CENPC: variants seen among roughly 807,000 people sequenced by gnomAD.
CENPC encodes the protein centromere protein C.
Under a neutral mutation model 112.1 loss-of-function variants are expected in CENPC, and 63 were observed. The ratio of observed to expected loss-of-function variants is 0.56; its 90% CI spans 0.46 to 0.69. CENPC has a LOEUF of 0.69. CENPC is among the 30% of genes least tolerant of loss of function. The pLI is 0.00. For synonymous variants in CENPC, 333 were observed against 367.6 expected, an observed-to-expected ratio of 0.91 and a Z score of 1.08; for missense variants, 1,000 against 1,103.8, an observed-to-expected ratio of 0.91 and a Z score of 1.33.
At position 67,494,704 on chromosome 4, in the gene CENPC, T is replaced by C. The variant is rs1577980033; in HGVS notation, c.2185+455A>G. Among the ~76,000 whole-genome samples, 3 of 152,346 alleles carry C rather than the reference T, an allele frequency of 2.0e-5. No homozygotes were observed. In the East Asian group the frequency reaches 5.8e-4, roughly 29 times the overall value. On this transcript the variant is annotated intron_variant, in intron 13 of 18. Transcript: ENST00000273853. ...GTATCTTGACTGGCAAATATCTCTT[T>C]GGGAACCATGGATTGTTAATCTTTA...
chr4:67,521,011 CAAA>C (rs1490136419), intron 5 of CENPC, among the ~76,000 whole-genome samples: 6 of 131,600 alleles, frequency 4.6e-5, no homozygotes, highest in Admixed American at 7.5e-5. Context: ...GACTCTGTCT[CAAA>C]AAATAAACAA....
intron 4 of CENPC, among the ~76,000 whole-genome samples, chr4:67,538,879 T>C (rs1726804424): frequency 6.6e-6 from 1 of 152,204 alleles, no homozygotes; most frequent in Admixed American, 6.5e-5. Context: ...ATTTTGCTAG[T>C]CTTTATTGTT....
rs1271231656 is a variant in CENPC at position 67,520,371 on chromosome 4, C to T, written c.332-869G>A. 1.1e-4 allele frequency among the ~76,000 whole-genome samples: 17 copies of T among 152,248 alleles called. No individual in the cohort carries two copies. The East Asian group carries it at 1.2e-3, about 10-fold the overall frequency. Reference sequence around the variant, plus strand: ...GTAGTGAAACCCCTGACCTTCACAGCCCAAGGCAACATTTTGATCCACTGA... The same window carrying T: ...GTAGTGAAACCCCTGACCTTCACAGTCCAAGGCAACATTTTGATCCACTGA... On this transcript the variant is annotated intron_variant, in intron 5 of 18. Transcript: ENST00000273853.
At chr4:67,491,506 GAGAGA>G (rs1725273774) in intron 16 of CENPC, among the ~76,000 whole-genome samples, 1 of 137,158 alleles carries the variant, frequency 7.3e-6, no homozygotes, top group South Asian at 2.6e-4. Context: ...GAGAGAGAGA[GAGAGA>G]GAGAGAGAGA....
At chr4:67,504,341 A>G (rs1314677541) in intron 12 of CENPC, among the ~76,000 whole-genome samples, 1 of 152,218 alleles carries the variant, frequency 6.6e-6, no homozygotes, top group Non-Finnish European at 1.5e-5. Context: ...AAAACACAGA[A>G]AGCATTCAAG....
At chr4:67,531,455 C>T (rs11737262) in intron 4 of CENPC, among the ~76,000 whole-genome samples, 32,230 of 152,158 alleles carry the variant, frequency 0.21, 4,150 homozygotes, top group Middle Eastern at 0.36. Flanking sequence ...CATCTGGAGA[C>T]TTAACTTTTA....
At position 67,518,300 on chromosome 4, in the gene CENPC, T is replaced by C. The variant is rs756528435; in HGVS notation, c.686A>G (p.Asp229Gly). Residue 229 changes from aspartate (D) to glycine (G), a missense_variant, in exon 7 of 19, where the codon GAT (aspartate) becomes GGT (glycine). Coordinates refer to ENST00000273853, the MANE Select transcript of CENPC (RefSeq NM_001812.4). Reference sequence around the variant, plus strand: ...TCTTTCTTGTCCTTCCGATGTTTTATCCTCTTCATCTGATACTTTATTATC... The same window carrying C: ...TCTTTCTTGTCCTTCCGATGTTTTACCCTCTTCATCTGATACTTTATTATC... ...EIDNKVSDEE[D>G]KTSEGQERKP... 1.3e-6 allele frequency: 2 copies of C among 1,551,934 alleles called. No homozygotes were observed. The highest frequency in any genetic ancestry group is 1.4e-5 in the African/African-American group (1 of 73,434).
At chr4:67,535,052 C>T (rs1190940801) in intron 4 of CENPC, among the ~76,000 whole-genome samples, 2 of 151,972 alleles carry the variant, frequency 1.3e-5, no homozygotes, top group South Asian at 2.1e-4. Context: ...GGAATCACAA[C>T]AGTATTCTCA....
At chr4:67,504,682 C>A (rs994558123) in intron 12 of CENPC, among the ~76,000 whole-genome samples, 1 of 151,900 alleles carries the variant, frequency 6.6e-6, no homozygotes, top group African/African-American at 2.4e-5. Flanking sequence ...ATTAGCCAGG[C>A]GTGGTGGCAG....
At position 67,545,322 on chromosome 4, in the gene CENPC, G is replaced by T; in HGVS notation, c.18+16C>A. 6.8e-7 allele frequency: 1 copy of T among 1,471,482 alleles called. No individual in the cohort carries two copies. Among genetic ancestry groups the T allele is most frequent in the South Asian group, 1.3e-5 (1 of 75,870 alleles). 91.2% of individuals were successfully genotyped at this position (1,471,482 alleles called of 1,614,324 possible). A position where few individuals can be genotyped will look rare whatever the true frequency, so the allele number is the denominator to read the frequency against. On this transcript the variant is annotated intron_variant, in intron 1 of 18. Coordinates refer to ENST00000273853, the MANE Select transcript of CENPC (RefSeq NM_001812.4). ...GCCGCTCAACCACTCGCCTGGAGCG[G>T]GGGGCCTGCACTTACCAGACCGGAC...
intron 16 of CENPC, among the ~76,000 whole-genome samples, chr4:67,491,953 C>A (rs995858203): frequency 6.6e-6 from 1 of 152,048 alleles, no homozygotes; most frequent in African/African-American, 2.4e-5. Context: ...CTACTTGTGC[C>A]CCAGAGGACA....
At chr4:67,489,885 A>G in intron 17 of CENPC, 82 bp downstream of exon 17, 1 of 1,173,172 alleles carries the variant, frequency 8.5e-7, no homozygotes, top group East Asian at 2.6e-5. Flanking sequence ...TTCTGAGAAA[A>G]CAGCATTTTA....
At chr4:67,488,735 C>A (rs1241936081) in intron 17 of CENPC, among the ~76,000 whole-genome samples, 46 of 151,938 alleles carry the variant, frequency 3.0e-4, no homozygotes, top group Admixed American at 3.0e-3. Flanking sequence ...CAGGGACCAT[C>A]TATGCTTTTA....
chr4:67,538,166 G>A lies in CENPC; in HGVS notation c.231+1674C>T, dbSNP rs1001314713. On this transcript the variant is annotated intron_variant, in intron 4 of 18. Coordinates refer to ENST00000273853, the MANE Select transcript of CENPC (RefSeq NM_001812.4). ...ACAAGACCAGTACAAACACAGAGTA[G>A]AACCTTTATTTTGAACATTTCTTAT... Among the ~76,000 whole-genome samples the A allele has an allele frequency of 3.9e-5, 6 of 152,234 alleles. No homozygotes were observed. In the South Asian group the frequency reaches 1.2e-3, roughly 32 times the overall value.
At chr4:67,479,929 T>C (rs955468191) in intron 17 of CENPC, among the ~76,000 whole-genome samples, 22 of 152,142 alleles carry the variant, frequency 1.4e-4, no homozygotes, top group African/African-American at 5.1e-4. Flanking sequence ...CCTGGAAATA[T>C]ACAACTCCCT....
Position 67,526,242 on chromosome 4 carries a change from G to A in CENPC, c.331+4573C>T, listed in dbSNP as rs141264005. Among the ~76,000 whole-genome samples the A allele has an allele frequency of 3.9e-5, 6 of 152,002 alleles. No individual in the cohort carries two copies. The South Asian group carries it at 6.2e-4, about 16-fold the overall frequency. On this transcript the variant is annotated intron_variant, in intron 5 of 18. Coordinates refer to ENST00000273853, the MANE Select transcript of CENPC (RefSeq NM_001812.4). ...ATGTGGGGCTTAAAACCAAGATGAC[G>A]GGTTGATAGGTGCAGCAAACCACTA...
intron 12 of CENPC, among the ~76,000 whole-genome samples, chr4:67,497,250 C>T (rs999479712): frequency 4.0e-5 from 6 of 151,762 alleles, no homozygotes; most frequent in Admixed American, 2.6e-4. Context: ...TGGTGGCACA[C>T]GCCTGTAATC....
intron 17 of CENPC, among the ~76,000 whole-genome samples, chr4:67,480,758 A>G (rs1019747398): frequency 7.2e-5 from 11 of 152,224 alleles, no homozygotes; most frequent in African/African-American, 2.7e-4. Flanking sequence ...CTTTATGATT[A>G]AAACCCTCAG....
intron 10 of CENPC, among the ~76,000 whole-genome samples, chr4:67,507,400 C>T (rs1725765513): frequency 6.6e-6 from 1 of 152,130 alleles, no homozygotes; most frequent in South Asian, 2.1e-4. Context: ...TTCCTAGTGA[C>T]TGTATAATTC....
Sources: allele counts gnomAD v4.1 joint callset (sites outside exome capture counted in the v4.1 genomes callset), GRCh38; gene constraint gnomAD v4.1.1; transcripts MANE v1.5; gene names NCBI Gene and HGNC (gene_info 2026-07-23, HGNC 2026-07-21).